The following PHF3 variants were observed in gnomAD, a reference collection of about 807,000 sequenced individuals.
PHF3 encodes the protein PHD finger protein 3.
In PHF3, 41 loss-of-function variants were observed where a neutral mutation model predicts 178.4. The ratio of observed to expected loss-of-function variants is 0.23; its 90% confidence interval spans 0.18 to 0.30. PHF3 has a LOEUF of 0.30. Among genes scored for constraint, PHF3 ranks in the 10% least tolerant of loss-of-function variants. The probability of loss-of-function intolerance (pLI) is 1.00; values close to 1 mark genes in which losing one functional copy is unlikely to be tolerated. For synonymous variants in PHF3, 842 were observed against 800.5 expected (o/e 1.05, Z -0.88); for missense variants, 2,346 against 2,398.1 (o/e 0.98, Z 0.45).
chr6:63,644,887 ATTT>A (rs56713654), intron 1 of PHF3, among the ~76,000 whole-genome samples: 3 of 135,268 alleles, frequency 2.2e-5, no homozygotes, highest in African/African-American at 5.4e-5. Flanking sequence ...AATTTGTTGG[ATTT>A]TTTTTTTTTT....
In PHF3 at chr6:63,723,565, C is replaced by CTA. The variant is rs1158476274; in HGVS notation, c.*9859_*9860dup. Among the ~76,000 whole-genome samples, 1 of 152,000 alleles carries CTA rather than the reference C, an allele frequency of 6.6e-6. No homozygotes were observed. The highest frequency in any genetic ancestry group is 1.5e-5 in the Non-Finnish European group (1 of 68,000). On this transcript the variant is annotated 3_prime_UTR_variant, in exon 16 of 16. Coordinates refer to ENST00000262043, the MANE Select transcript of PHF3 (RefSeq NM_001370348.2). ...AGGAAAGCTGAAGCTGTGATCTATA[C>CTA]TATCACTGGTCATGTTGCCAACCAG...
rs190392639 is a variant in PHF3 at position 63,689,928 on chromosome 6, A to T, written c.2190-1809A>T. Among the ~76,000 whole-genome samples the T allele has an allele frequency of 4.6e-5, 7 of 152,302 alleles. No homozygotes were observed. In the East Asian group the frequency reaches 1.3e-3, roughly 29 times the overall value. On this transcript the variant is annotated intron_variant, in intron 4 of 15. Transcript: ENST00000262043. Reference sequence around the variant, plus strand: ...TTGATTGTGGAAGTAAAGGGAAATCATTAGCTTTCCTTCAGCATTTCAGAA... The same window carrying T: ...TTGATTGTGGAAGTAAAGGGAAATCTTTAGCTTTCCTTCAGCATTTCAGAA...
intron 2 of PHF3, among the ~76,000 whole-genome samples, chr6:63,666,614 C>T (rs1181142624): frequency 6.6e-6 from 1 of 151,914 alleles, no homozygotes; most frequent in African/African-American, 2.4e-5. Flanking sequence ...GCACATCCTC[C>T]TATGTATTTT....
intron 2 of PHF3, among the ~76,000 whole-genome samples, chr6:63,668,568 C>T (rs1167082022): frequency 1.3e-5 from 2 of 152,070 alleles, no homozygotes; most frequent in Admixed American, 1.3e-4. Context: ...TCTTGAACTC[C>T]TGGGCTCAAG....
intron 2 of PHF3, among the ~76,000 whole-genome samples, chr6:63,648,883 T>A (rs1385325580): frequency 1.3e-5 from 2 of 152,116 alleles, no homozygotes; most frequent in Non-Finnish European, 2.9e-5. Flanking sequence ...TTAATAAGGC[T>A]TTTCTGTTTA....
chr6:63,643,936 C>T (rs1390993159), intron 1 of PHF3, among the ~76,000 whole-genome samples: 1 of 152,168 alleles, frequency 6.6e-6, no homozygotes, highest in Non-Finnish European at 1.5e-5. Context: ...CTTTAGATGA[C>T]TAGTTAGAAT....
chr6:63,668,288 A>T (rs150980781), intron 2 of PHF3, among the ~76,000 whole-genome samples: 51 of 152,250 alleles, frequency 3.3e-4, no homozygotes, highest in Middle Eastern at 6.8e-3. Context: ...TTTTGGTGAA[A>T]TGATCACTGC....
chr6:63,664,770 A>C (rs1765609293), intron 2 of PHF3, among the ~76,000 whole-genome samples: 1 of 152,110 alleles, frequency 6.6e-6, no homozygotes, highest in Non-Finnish European at 1.5e-5. Flanking sequence ...TGAGCTTGAT[A>C]CTGGGTTTTA....
In PHF3 at chr6:63,685,075, G is replaced by A. The variant is rs1766622062; in HGVS notation, c.1353G>A (p.Leu451=). 9.3e-6 allele frequency: 15 copies of A among 1,613,948 alleles called. No individual in the cohort carries two copies. Among genetic ancestry groups the A allele is most frequent in the Non-Finnish European group, 1.3e-5 (15 of 1,179,940 alleles). Residue 451 remains leucine, a synonymous_variant, in exon 4 of 16, where the codon TTG becomes TTA. Transcript: ENST00000262043. The stretch of plus-strand genomic sequence containing the variant: ...TGCCTGACCAAAATTCAAAACAGTT[G>A]AATGCTATAGAAAGTACTAAAATAG... The part of the protein sequence containing the change: ...CDVPDQNSKQ[L]NAIESTKIES...
chr6:63,713,330 T>C lies in PHF3; in HGVS notation c.5742T>C (p.Asn1914=), dbSNP rs899885569. The C allele has an allele frequency of 1.2e-6, 2 of 1,613,864 alleles. No individual in the cohort carries two copies. The highest frequency in any genetic ancestry group is 1.7e-6 in the Non-Finnish European group (2 of 1,179,960). The change falls in exon 16 of 16, where the codon AAT becomes AAC. Residue 1914 remains asparagine, a synonymous_variant. Coordinates refer to ENST00000262043, the MANE Select transcript of PHF3 (RefSeq NM_001370348.2). ...QDQQQLDRPF[N]RGKGDRQRFY... is the part of the protein sequence containing the mutation. ...AACAGCAACTGGATAGGCCATTTAA[T>C]AGGGGTAAAGGGGACCGCCAGAGAT... is the stretch of plus-strand genomic sequence containing the variant.
intron 13 of PHF3, among the ~76,000 whole-genome samples, chr6:63,707,148 A>G (rs751700474): frequency 2.0e-5 from 3 of 152,232 alleles, no homozygotes; most frequent in African/African-American, 2.4e-5. Context: ...GAGAGTCTAC[A>G]TGGATATCCA....
intron 3 of PHF3, among the ~76,000 whole-genome samples, chr6:63,682,690 A>G (rs183593257): frequency 1.6e-4 from 25 of 152,276 alleles, no homozygotes; most frequent in Admixed American, 3.9e-4. Flanking sequence ...TGCCTATAGA[A>G]TCAGGCTTCA....
chr6:63,650,534 T>C (rs796298886), intron 2 of PHF3, among the ~76,000 whole-genome samples: 17 of 152,358 alleles, frequency 1.1e-4, no homozygotes, highest in African/African-American at 4.1e-4. Context: ...AATTTTTACT[T>C]GCACTGCTTT....
intron 11 of PHF3, among the ~76,000 whole-genome samples, chr6:63,705,529 C>CT (rs1283710075): frequency 2.6e-5 from 4 of 152,190 alleles, no homozygotes; most frequent in African/African-American, 7.2e-5. Flanking sequence ...TTATGAGAAT[C>CT]TAACTATTAA....
intron 15 of PHF3, 102 bp from the exon 16 acceptor site, chr6:63,711,484 C>G: frequency 3.7e-6 from 5 of 1,343,412 alleles, no homozygotes; most frequent in East Asian, 2.3e-5. Flanking sequence ...TTGACAGGGC[C>G]AGGCACCATT....
chr6:63,671,243 T>G (rs1014955936), intron 2 of PHF3, among the ~76,000 whole-genome samples: 1 of 152,216 alleles, frequency 6.6e-6, no homozygotes, highest in Admixed American at 6.5e-5. Context: ...GGTACTGTAC[T>G]GTTTGTTTAA....
intron 8 of PHF3, among the ~76,000 whole-genome samples, chr6:63,699,753 G>T (rs991458309): frequency 6.6e-6 from 1 of 152,108 alleles, no homozygotes; most frequent in Non-Finnish European, 1.5e-5. Context: ...GCCACGCCCA[G>T]CTAATTTTTG....
chr6:63,641,521 GGTGTGTAT>G (rs1372072465), intron 1 of PHF3, among the ~76,000 whole-genome samples: 156 of 128,398 alleles, frequency 1.2e-3, no homozygotes, highest in African/African-American at 3.7e-3. Context: ...TTTATTGTTA[GGTGTGTAT>G]GTGTGTGTGT....
At position 63,712,742 on chromosome 6, in the gene PHF3, T is replaced by G; in HGVS notation, c.5154T>G (p.Val1718=). The stretch of plus-strand genomic sequence containing the variant: ...TTCAGCAGAGTGACAATTTAAAAGT[T>G]GCACAAAACTCACCATCAGTAGAAA... The part of the protein sequence containing the change: ...SCVQQSDNLK[V]AQNSPSVENI... The change falls in exon 16 of 16, where the codon GTT becomes GTG. Residue 1718 remains valine, a synonymous_variant. Transcript: ENST00000262043. 1 of 1,613,896 alleles carries G rather than the reference T, an allele frequency of 6.2e-7. No individual in the cohort carries two copies. The highest frequency in any genetic ancestry group is 2.2e-5 in the East Asian group (1 of 44,842).
Sources: allele counts gnomAD v4.1 joint callset (sites outside exome capture counted in the v4.1 genomes callset), GRCh38; gene constraint gnomAD v4.1.1; transcripts MANE v1.5; gene names NCBI Gene and HGNC (gene_info 2026-07-23, HGNC 2026-07-21).